Variants in OSBPL9 observed in about 807,000 individuals in gnomAD.
The protein encoded by OSBPL9 is oxysterol-binding protein-related protein 9.
Under a neutral mutation model 106.6 loss-of-function variants are expected in OSBPL9, and 40 were observed. The observed-to-expected ratio is 0.38, with a 90% CI of 0.29 to 0.49. The LOEUF is 0.49. OSBPL9 is among the 20% of genes least tolerant of loss of function. The probability of loss-of-function intolerance (pLI) is 0.97; values close to 1 mark genes in which losing one functional copy is unlikely to be tolerated. For missense variants in OSBPL9, 609 were observed against 887.2 expected (o/e 0.69, Z 3.98); for synonymous variants, 269 against 295.4 (o/e 0.91, Z 0.92).
intron 2 of OSBPL9, among the ~76,000 whole-genome samples, chr1:51,600,478 AAC>A (rs1467199632): frequency 6.6e-6 from 1 of 152,232 alleles, no homozygotes; most frequent in East Asian, 1.9e-4. Context: ...CATAAAGACA[AAC>A]ACAAAACAGG....
At chr1:51,519,028 G>T in the OSBPL9 span, among the ~76,000 whole-genome samples, 1 of 151,264 alleles carries the variant, frequency 6.6e-6, no homozygotes, top group Non-Finnish European at 1.5e-5. Context: ...TCCGGCTCCG[G>T]AGGGCGCCCT....
intron 1 of OSBPL9, among the ~76,000 whole-genome samples, chr1:51,642,609 C>T (rs1441129273): frequency 6.6e-6 from 1 of 152,194 alleles, no homozygotes; most frequent in Non-Finnish European, 1.5e-5. Context: ...AGGCAACTGT[C>T]CCCCTCCCCT....
intron 3 of OSBPL9, among the ~76,000 whole-genome samples, chr1:51,681,940 G>T (rs1338866701): frequency 2.0e-5 from 3 of 152,068 alleles, no homozygotes. Context: ...GGTGACTCAC[G>T]CCTGTAATCC....
chr1:51,631,886 G>A (rs1312084259), intron 1 of OSBPL9, among the ~76,000 whole-genome samples: 1 of 152,142 alleles, frequency 6.6e-6, no homozygotes, highest in South Asian at 2.1e-4. Flanking sequence ...TGCAAAGGTG[G>A]CTTCAAAAAG....
At chr1:51,754,224 A>G (rs80349508) in intron 8 of OSBPL9, among the ~76,000 whole-genome samples, 1 of 152,234 alleles carries the variant, frequency 6.6e-6, no homozygotes. Context: ...GGCATGTGCC[A>G]GGGGGTTGAC....
intron 1 of OSBPL9, among the ~76,000 whole-genome samples, chr1:51,649,617 A>G (rs1036751604): frequency 6.6e-6 from 1 of 151,480 alleles, no homozygotes; most frequent in Non-Finnish European, 1.5e-5. Context: ...CCAGGTTGAA[A>G]CTTGAAACCT....
chr1:51,617,016 G>GC, upstream of OSBPL9: 4 of 1,503,182 alleles, frequency 2.7e-6, no homozygotes, highest in Non-Finnish European at 3.6e-6. Flanking sequence ...ACCCGCCCAG[G>GC]ACCCGCCCCG....
chr1:51,622,411 T>A (rs896000897), intron 1 of OSBPL9, among the ~76,000 whole-genome samples: 1 of 152,226 alleles, frequency 6.6e-6, no homozygotes, highest in African/African-American at 2.4e-5. Context: ...TGGATTTAGT[T>A]ATCTATTGCG....
At chr1:51,536,347 C>CT in the OSBPL9 span, among the ~76,000 whole-genome samples, 1 of 152,076 alleles carries the variant, frequency 6.6e-6, no homozygotes, top group African/African-American at 2.4e-5. Context: ...CGCTCTGTCA[C>CT]CCAGGCTGGA....
the OSBPL9 span, among the ~76,000 whole-genome samples, chr1:51,567,994 G>A: frequency 6.6e-6 from 1 of 152,322 alleles, no homozygotes; most frequent in African/African-American, 2.4e-5. Context: ...TATTTGAGAA[G>A]GATTTAATAA....
At chr1:51,780,966 A>T (rs1676243646) in intron 15 of OSBPL9, among the ~76,000 whole-genome samples, 198 bp from the exon 16 acceptor site, 1 of 152,176 alleles carries the variant, frequency 6.6e-6, no homozygotes, top group African/African-American at 2.4e-5. Flanking sequence ...AAATTAAAAA[A>T]AAAAGAAAAA....
intron 3 of OSBPL9, among the ~76,000 whole-genome samples, chr1:51,711,973 C>T (rs1660100434): frequency 1.3e-5 from 2 of 151,968 alleles, no homozygotes; most frequent in Non-Finnish European, 2.9e-5. Flanking sequence ...AGACGATGGG[C>T]GGCCAGGCAG....
chr1:51,574,189 G>A (rs1447851766), upstream of OSBPL9: 1 of 152,196 alleles, frequency 6.6e-6, no homozygotes, highest in Non-Finnish European at 1.5e-5. Flanking sequence ...CCAATTGTCT[G>A]AATCCCACTA....
At chr1:51,595,957 T>G (rs141090837) in intron 1 of OSBPL9, among the ~76,000 whole-genome samples, 300 of 152,194 alleles carry the variant, frequency 2.0e-3, no homozygotes, top group African/African-American at 7.0e-3. Context: ...CATTCATCTA[T>G]TCAATATCTA....
chr1:51,715,414 G>A (rs1660851263), intron 4 of OSBPL9, among the ~76,000 whole-genome samples: 1 of 152,136 alleles, frequency 6.6e-6, no homozygotes, highest in South Asian at 2.1e-4. Context: ...TGTAAGAGGA[G>A]GATAAGTGTT....
intron 2 of OSBPL9, among the ~76,000 whole-genome samples, chr1:51,662,899 C>T (rs1647398864): frequency 6.6e-6 from 1 of 152,008 alleles, no homozygotes; most frequent in Admixed American, 6.6e-5. Context: ...CGCCCACCAC[C>T]AGGCCTGGCT....
At chr1:51,741,973 A>C (rs1203826919) in intron 4 of OSBPL9, among the ~76,000 whole-genome samples, 1 of 152,200 alleles carries the variant, frequency 6.6e-6, no homozygotes, top group Non-Finnish European at 1.5e-5. Flanking sequence ...AAGAGAAAGA[A>C]AGACAACATG....
At chr1:51,644,276 A>T (rs1646005366) in intron 1 of OSBPL9, among the ~76,000 whole-genome samples, 1 of 151,992 alleles carries the variant, frequency 6.6e-6, no homozygotes, top group African/African-American at 2.4e-5. Flanking sequence ...ACTTTGATTG[A>T]TTGGATGGAA....
chr1:51,750,322 G>T, intron 8 of OSBPL9, 127 bp downstream of exon 8: 1 of 568,668 alleles, frequency 1.8e-6, no homozygotes, highest in Non-Finnish European at 3.0e-6. Context: ...TGTATTGTGA[G>T]CTTATTCTAT....
Sources: allele counts gnomAD v4.1 joint callset (sites outside exome capture counted in the v4.1 genomes callset), GRCh38; gene constraint gnomAD v4.1.1; transcripts MANE v1.5; gene names NCBI Gene and HGNC (gene_info 2026-07-23, HGNC 2026-07-21).